OLA1: variants seen among roughly 807,000 people sequenced by gnomAD.
OLA1 encodes the protein obg-like ATPase 1.
In OLA1, 14 loss-of-function variants were observed where a neutral mutation model predicts 48.4. The observed-to-expected ratio is 0.29, with a 90% CI of 0.19 to 0.45. The LOEUF (loss-of-function observed/expected upper bound fraction) is 0.45, where lower values mean the gene tolerates loss of function less well. Ranked by LOEUF, OLA1 falls within the 20% of genes least tolerant of loss-of-function variation. The pLI, the probability that OLA1 is intolerant of heterozygous loss-of-function variation, is 1.00. For synonymous variants in OLA1, 127 were observed against 150.4 expected (o/e 0.84, Z 1.14); for missense variants, 325 against 467.1 (o/e 0.70, Z 2.80).
At chr2:174,226,892 C>A (rs1382114537) in intron 3 of OLA1, among the ~76,000 whole-genome samples, 2 of 152,010 alleles carry the variant, frequency 1.3e-5, no homozygotes, top group African/African-American at 4.8e-5. Flanking sequence ...GGAGTTCAAG[C>A]CAGCCTAGGC....
At chr2:174,209,753 G>T (rs1688201736) in intron 4 of OLA1, among the ~76,000 whole-genome samples, 1 of 152,142 alleles carries the variant, frequency 6.6e-6, no homozygotes, top group Non-Finnish European at 1.5e-5. Flanking sequence ...GAAGATCTTA[G>T]AATTTTCCTA....
intron 4 of OLA1, among the ~76,000 whole-genome samples, chr2:174,150,548 C>T (rs1686718786): frequency 6.6e-6 from 1 of 152,182 alleles, no homozygotes; most frequent in African/African-American, 2.4e-5. Context: ...TCAAAATAGA[C>T]CTATCTGACT....
intron 7 of OLA1, among the ~76,000 whole-genome samples, chr2:174,110,250 T>C (rs1307027455): frequency 6.6e-6 from 1 of 151,768 alleles, no homozygotes; most frequent in Non-Finnish European, 1.5e-5. Context: ...GATTCTCTTA[T>C]GTTTCAGCCT....
At chr2:174,083,485 T>C (rs1684902633) in intron 7 of OLA1, among the ~76,000 whole-genome samples, 1 of 152,124 alleles carries the variant, frequency 6.6e-6, no homozygotes, top group African/African-American at 2.4e-5. Context: ...ATTTTTTCTT[T>C]TGTTCATATC....
intron 7 of OLA1, among the ~76,000 whole-genome samples, chr2:174,092,831 TC>T (rs1478352096): frequency 3.9e-5 from 6 of 152,164 alleles, no homozygotes; most frequent in African/African-American, 1.4e-4. Flanking sequence ...GGGAGGCATA[TC>T]TGATTGCTAT....
chr2:174,161,161 A>G (rs980297226), intron 4 of OLA1, among the ~76,000 whole-genome samples: 4 of 152,304 alleles, frequency 2.6e-5, no homozygotes, highest in Admixed American at 6.5e-5. Context: ...GCATCCAACT[A>G]TATCACATAC....
At chr2:174,192,962 A>G (rs1484235074) in intron 4 of OLA1, among the ~76,000 whole-genome samples, 1 of 151,742 alleles carries the variant, frequency 6.6e-6, no homozygotes, top group African/African-American at 2.4e-5. Context: ...CTACATGTCC[A>G]CGTGTGTAAG....
At chr2:174,228,492 G>A (rs1220519882) in intron 3 of OLA1, among the ~76,000 whole-genome samples, 1 of 152,120 alleles carries the variant, frequency 6.6e-6, no homozygotes, top group Non-Finnish European at 1.5e-5. Flanking sequence ...GGTAGAGGAA[G>A]TAGAGGTGGT....
At chr2:174,220,124 T>A (rs1443304030) in intron 4 of OLA1, among the ~76,000 whole-genome samples, 1 of 152,120 alleles carries the variant, frequency 6.6e-6, no homozygotes, top group African/African-American at 2.4e-5. Flanking sequence ...AGAGCAAGAC[T>A]CCATCTCAAA....
chr2:174,179,669 T>C (rs1342238651), intron 4 of OLA1, among the ~76,000 whole-genome samples: 1 of 152,062 alleles, frequency 6.6e-6, no homozygotes, highest in Non-Finnish European at 1.5e-5. Context: ...AACATTTACA[T>C]ACTGACTAAA....
intron 2 of OLA1, among the ~76,000 whole-genome samples, chr2:174,242,231 G>A (rs1689019628): frequency 6.6e-6 from 1 of 152,218 alleles, no homozygotes; most frequent in South Asian, 2.1e-4. Flanking sequence ...GACCAAGGGT[G>A]TGGGGGATGG....
At chr2:174,075,591 G>A in intron 10 of OLA1, 64 bp from the exon 11 acceptor site, 4 of 961,356 alleles carry the variant, frequency 4.2e-6, no homozygotes, top group Non-Finnish European at 6.6e-6. Context: ...GGGGTAAATG[G>A]TGGCAGCAGA....
intron 4 of OLA1, among the ~76,000 whole-genome samples, chr2:174,190,969 A>T (rs914937717): frequency 2.0e-5 from 3 of 148,912 alleles, no homozygotes; most frequent in African/African-American, 7.4e-5. Flanking sequence ...AAAAAAAAAA[A>T]GGAAAGTAAC....
At chr2:174,163,054 G>T (rs1687051165) in intron 4 of OLA1, among the ~76,000 whole-genome samples, 1 of 151,892 alleles carries the variant, frequency 6.6e-6, no homozygotes, top group Non-Finnish European at 1.5e-5. Context: ...ACAAAGAAAA[G>T]AACCACTGCT....
intron 4 of OLA1, among the ~76,000 whole-genome samples, chr2:174,180,873 G>A (rs1246161568): frequency 6.6e-6 from 1 of 152,206 alleles, no homozygotes; most frequent in African/African-American, 2.4e-5. Context: ...GGTTAAGGAG[G>A]TTGCTTACTA....
chr2:174,109,230 C>T (rs1256228103), intron 7 of OLA1, among the ~76,000 whole-genome samples: 2 of 152,100 alleles, frequency 1.3e-5, no homozygotes, highest in African/African-American at 4.8e-5. Flanking sequence ...GTTTAATCAG[C>T]ATTGTTTTTT....
chr2:174,081,228 T>C lies in OLA1; in HGVS notation c.890A>G (p.Lys297Arg). ...TAGTTGGAGTGCTGCAAACCCAGCC[T>C]TAATGATCTTTGGCAAAGCACTGAA... Reference protein sequence around the residue: ...MTQSALPKIIKAGFAALQLEY... With the variant: ...MTQSALPKIIRAGFAALQLEY... The change falls in exon 9 of 11, where the codon AAG becomes AGG. Residue 297 changes from lysine to arginine, a missense_variant. Coordinates refer to ENST00000284719, the MANE Select transcript of OLA1 (RefSeq NM_013341.5). The C allele has an allele frequency of 1.9e-6, 3 of 1,610,878 alleles. No individual in the cohort carries two copies. The highest frequency in any genetic ancestry group is 1.1e-5 in the South Asian group (1 of 90,962).
At chr2:174,168,753 A>G (rs1340348379) in intron 4 of OLA1, among the ~76,000 whole-genome samples, 1 of 145,970 alleles carries the variant, frequency 6.9e-6, no homozygotes, top group Non-Finnish European at 1.5e-5. Flanking sequence ...CACAATATGT[A>G]TATCTATCTA....
At chr2:174,093,468 C>CA (rs34677839) in intron 7 of OLA1, among the ~76,000 whole-genome samples, 75,782 of 147,152 alleles carry the variant, frequency 0.51, 21,085 homozygotes, top group Non-Finnish European at 0.64. Context: ...GACCTCTTCT[C>CA]AAAAAAAAAA....
Sources: allele counts gnomAD v4.1 joint callset (sites outside exome capture counted in the v4.1 genomes callset), GRCh38; gene constraint gnomAD v4.1.1; transcripts MANE v1.5; gene names NCBI Gene and HGNC (gene_info 2026-07-23, HGNC 2026-07-21).